Variants in KIN observed in about 807,000 individuals in gnomAD.
KIN encodes Kin17 DNA and RNA binding protein.
Under a neutral mutation model 63.0 loss-of-function variants are expected in KIN, and 47 were observed. That is an observed-to-expected ratio of 0.75 (90% CI 0.59 to 0.95). KIN has a LOEUF of 0.95. Among genes scored for constraint, KIN ranks in the 40% least tolerant of loss-of-function variants. The pLI is 0.00. For missense variants in KIN, 408 were observed against 460.9 expected, an observed-to-expected ratio of 0.89 and a Z score of 1.05; for synonymous variants, 160 against 157.7, an observed-to-expected ratio of 1.01 and a Z score of -0.11.
chr10:7,779,371 C>A (rs1032543380), intron 4 of KIN, among the ~76,000 whole-genome samples: 4 of 152,208 alleles, frequency 2.6e-5, no homozygotes, highest in African/African-American at 9.7e-5. Flanking sequence ...CCTACCACTG[C>A]ACTTCAGCCT....
chr10:7,762,010 T>C (rs1835444762), intron 11 of KIN, among the ~76,000 whole-genome samples: 1 of 151,822 alleles, frequency 6.6e-6, no homozygotes, highest in African/African-American at 2.4e-5. Context: ...CAAAAATAAA[T>C]AAATAAATAA....
chr10:7,768,736 G>T (rs529967097), intron 8 of KIN, among the ~76,000 whole-genome samples: 1 of 152,208 alleles, frequency 6.6e-6, no homozygotes, highest in South Asian at 2.1e-4. Context: ...AACCTATTTA[G>T]GTGGGGCATG....
At chr10:7,779,938 A>T in intron 4 of KIN, 118 bp downstream of exon 4, 1 of 930,288 alleles carries the variant, frequency 1.1e-6, no homozygotes, top group Non-Finnish European at 1.6e-6. Flanking sequence ...GAATCAACTA[A>T]CACGATGAAA....
chr10:7,773,843 T>A (rs531663094), intron 7 of KIN, among the ~76,000 whole-genome samples: 2 of 152,366 alleles, frequency 1.3e-5, no homozygotes, highest in African/African-American at 4.8e-5. Flanking sequence ...TCATCTTTTT[T>A]AACCTCCATA....
intron 5 of KIN, among the ~76,000 whole-genome samples, chr10:7,778,270 CTATT>C (rs1366619209): frequency 6.6e-6 from 1 of 152,102 alleles, no homozygotes; most frequent in Non-Finnish European, 1.5e-5. Flanking sequence ...GGTAGCGTCT[CTATT>C]TAGATATAAG....
intron 12 of KIN, 113 bp downstream of exon 12, chr10:7,759,777 T>C (rs769707753): frequency 9.9e-6 from 6 of 605,816 alleles, no homozygotes; most frequent in Admixed American, 6.6e-5. Context: ...CCAAATAGGA[T>C]AGAAGGCTAA....
At chr10:7,780,557 G>T (rs1413793303) in intron 2 of KIN, among the ~76,000 whole-genome samples, 1 of 151,996 alleles carries the variant, frequency 6.6e-6, no homozygotes, top group African/African-American at 2.4e-5. Context: ...ACCACGCCTG[G>T]CTAATTTTGT....
At position 7,751,959 on chromosome 10, in the gene KIN, C is replaced by T. The variant is rs1283622723; in HGVS notation, c.*4121G>A. ...CTGAGGCAGGAGAATGGCGTGAACC[C>T]GGGAAGCGGAGCTTGCAGTGAGCCG... On this transcript the variant is annotated 3_prime_UTR_variant, in exon 13 of 13. Transcript: ENST00000379562. 1.1e-3 allele frequency: 4 copies of T among 3,684 alleles called. 2 individuals are homozygous for T. Among genetic ancestry groups the T allele is most frequent in the African/African-American group, 2.6e-3 (2 of 780 alleles). The allele number at this position is 3,684 out of a possible 1,614,324, so 0.2% of individuals were successfully genotyped here. A position where few individuals can be genotyped will look rare whatever the true frequency, so the allele number is the denominator to read the frequency against.
chr10:7,762,598 T>C, intron 10 of KIN, 42 bp from the exon 11 acceptor site: 1 of 1,100,784 alleles, frequency 9.1e-7, no homozygotes, highest in Non-Finnish European at 1.4e-6. Context: ...AAGAAATATG[T>C]GCACACTCAT....
chr10:7,771,014 C>G (rs144803201), intron 7 of KIN, among the ~76,000 whole-genome samples: 1 of 152,106 alleles, frequency 6.6e-6, no homozygotes, highest in Non-Finnish European at 1.5e-5. Context: ...TAAAATTTTA[C>G]TCACTGGGTT....
In KIN at chr10:7,774,905, A is replaced by G. The variant is rs1483124131; in HGVS notation, c.608-14T>C. 1.9e-6 allele frequency: 3 copies of G among 1,583,544 alleles called. No homozygotes were observed. The highest frequency in any genetic ancestry group is 3.3e-5 in the Admixed American group (2 of 59,808). ...AATTAAACGTGACTAGAAGAAAAAA[A>G]TGTTATTCCATACATACATTTCAAG... On this transcript the variant is annotated splice_polypyrimidine_tract_variant and intron_variant, in intron 6 of 12. Coordinates refer to ENST00000379562, the MANE Select transcript of KIN (RefSeq NM_012311.4).
intron 1 of KIN, among the ~76,000 whole-genome samples, chr10:7,784,844 A>G (rs907671513): frequency 1.3e-5 from 2 of 152,204 alleles, no homozygotes; most frequent in Admixed American, 1.3e-4. Context: ...AAGGGGGAAA[A>G]TAATACTTTC....
At chr10:7,757,476 C>T (rs1835352942) in intron 12 of KIN, among the ~76,000 whole-genome samples, 2 of 151,250 alleles carry the variant, frequency 1.3e-5, no homozygotes, top group East Asian at 1.9e-4. Flanking sequence ...CCAGCCTGGG[C>T]GACAGAGTGA....
At chr10:7,769,109 A>C in intron 8 of KIN, 107 bp downstream of exon 8, 5 of 974,538 alleles carry the variant, frequency 5.1e-6, no homozygotes, top group Non-Finnish European at 7.6e-6. Context: ...ACTATTCCCT[A>C]GTCCGTACAT....
intron 1 of KIN, among the ~76,000 whole-genome samples, 159 bp from the exon 2 acceptor site, chr10:7,783,334 A>C (rs10458814): frequency 6.6e-6 from 1 of 151,956 alleles, no homozygotes; most frequent in Non-Finnish European, 1.5e-5. Context: ...TTCAAAAAAA[A>C]TTTTTATAGA....
chr10:7,787,637 G>C (rs1836052152), intron 1 of KIN, among the ~76,000 whole-genome samples, 183 bp downstream of exon 1: 1 of 152,194 alleles, frequency 6.6e-6, no homozygotes, highest in African/African-American at 2.4e-5. Flanking sequence ...GCTGGGCCCG[G>C]GGGCTGCGGG....
rs1835286772 is a variant in KIN at position 7,754,175 on chromosome 10, A to C, written c.*1905T>G. ...CAAGACCTCATCTCTACTAAAAATC[A>C]AAAAAATTAGCCAGGCATGGTAGTG... On this transcript the variant is annotated 3_prime_UTR_variant, in exon 13 of 13. Transcript: ENST00000379562. 1 of 438,324 alleles carries C rather than the reference A, an allele frequency of 2.3e-6. No individual in the cohort carries two copies. The highest frequency in any genetic ancestry group is 1.6e-5 in the South Asian group (1 of 61,424). The allele number at this position is 438,324 out of a possible 1,614,324, so 27.2% of individuals were successfully genotyped here. A position where few individuals can be genotyped will look rare whatever the true frequency, so the allele number is the denominator to read the frequency against.
At chr10:7,766,397 C>T (rs1835544107) in intron 8 of KIN, 1 of 294,252 alleles carries the variant, frequency 3.4e-6, no homozygotes, top group African/African-American at 2.2e-5. Flanking sequence ...CTGCCCTCAC[C>T]CACTTTCTCC....
intron 11 of KIN, among the ~76,000 whole-genome samples, 189 bp downstream of exon 11, chr10:7,762,266 CAA>C (rs1053490544): frequency 1.3e-4 from 20 of 150,758 alleles, no homozygotes; most frequent in African/African-American, 4.1e-4. Context: ...ATTGATGCCA[CAA>C]AACAGCTTCA....
Sources: gnomAD v4.1 joint callset for allele counts (sites outside exome capture counted in the v4.1 genomes callset) on GRCh38, gnomAD v4.1.1 for gene constraint, MANE v1.5 for transcripts, NCBI Gene and HGNC (gene_info 2026-07-23, HGNC 2026-07-21) for gene names.